The following SVOPL variants were observed in gnomAD, a reference collection of about 807,000 sequenced individuals.
The protein encoded by SVOPL is SVOP like.
SVOPL carries 60 observed loss-of-function variants against 61.0 expected under a neutral mutation model. That is an observed-to-expected ratio of 0.98 (90% CI 0.80 to 1.22). SVOPL has a LOEUF of 1.22. Ranked by LOEUF, SVOPL falls within the 50% of genes most tolerant of loss-of-function variation. The probability of loss-of-function intolerance (pLI) is 0.00; values close to 1 mark genes in which losing one functional copy is unlikely to be tolerated. For synonymous variants in SVOPL, 279 were observed against 250.0 expected, an observed-to-expected ratio of 1.12 and a Z score of -1.09; for missense variants, 662 against 643.9, an observed-to-expected ratio of 1.03 and a Z score of -0.30.
intron 1 of SVOPL, among the ~76,000 whole-genome samples, chr7:138,699,340 A>G (rs1334700286): frequency 6.6e-6 from 1 of 152,184 alleles, no homozygotes; most frequent in Non-Finnish European, 1.5e-5. Context: ...AAAATAAAGT[A>G]TCTAAAGAGT....
intron 4 of SVOPL, among the ~76,000 whole-genome samples, chr7:138,670,481 C>T (rs1250374348): frequency 6.6e-6 from 1 of 152,140 alleles, no homozygotes; most frequent in Non-Finnish European, 1.5e-5. Context: ...GATGACTCCA[C>T]CCAGACCCAT....
At chr7:138,664,200 C>G (rs147549645) in intron 4 of SVOPL, 325 of 981,336 alleles carry the variant, frequency 3.3e-4, no homozygotes, top group Middle Eastern at 1.6e-3. Context: ...CCCCCTCCCC[C>G]ACCTTCTACC....
chr7:138,673,493 C>T (rs1282132324), intron 3 of SVOPL, among the ~76,000 whole-genome samples: 1 of 151,890 alleles, frequency 6.6e-6, no homozygotes, highest in Non-Finnish European at 1.5e-5. Flanking sequence ...CCCATCGCTG[C>T]TAAAAATACA....
intron 5 of SVOPL, chr7:138,661,454 C>T: frequency 1.0e-6 from 1 of 982,984 alleles, no homozygotes. Context: ...TTATCAGGTC[C>T]AGAGACACAG....
intron 14 of SVOPL, among the ~76,000 whole-genome samples, chr7:138,618,652 CAGAG>C (rs376141906): frequency 6.0e-5 from 9 of 149,292 alleles, no homozygotes; most frequent in South Asian, 4.2e-4. Context: ...CAGAGCGAGA[CAGAG>C]AGAGAGAGAG....
At position 138,594,489 on chromosome 7, in the gene SVOPL, A is replaced by G. The variant is rs1798200078; in HGVS notation, c.*121T>C. The G allele has an allele frequency of 9.6e-6, 8 of 831,642 alleles. No homozygotes were observed. In the South Asian group the frequency reaches 1.9e-4, roughly 19 times the overall value. 51.5% of individuals were successfully genotyped at this position (831,642 alleles called of 1,614,324 possible). A position where few individuals can be genotyped will look rare whatever the true frequency, so the allele number is the denominator to read the frequency against. ...CATTCCCATATATGCCTTTAAAAAA[A>G]AAATCACTTTACTAATTACCGAGTA... On this transcript the variant is annotated 3_prime_UTR_variant, in exon 16 of 16. Transcript: ENST00000674285.
intron 1 of SVOPL, among the ~76,000 whole-genome samples, chr7:138,680,729 C>T (rs897801184): frequency 6.6e-6 from 1 of 152,128 alleles, no homozygotes; most frequent in African/African-American, 2.4e-5. Context: ...CAGGCGCCCG[C>T]CACCACGCCC....
intron 3 of SVOPL, among the ~76,000 whole-genome samples, chr7:138,672,656 T>TTAAAAAAAAAAAAAAAAAA (rs35924408): frequency 8.4e-6 from 1 of 118,858 alleles, no homozygotes; most frequent in African/African-American, 3.3e-5. Flanking sequence ...TTTTTGTGTT[T>TTAAAAAAAAAAAAAAAAAA]AAAAAAAAAA....
chr7:138,659,821 G>T (rs761176772), intron 6 of SVOPL, 43 bp downstream of exon 6: 1 of 1,535,972 alleles, frequency 6.5e-7, no homozygotes, highest in Non-Finnish European at 8.8e-7. Flanking sequence ...GGCCTGCAGG[G>T]GTACACGTTT....
intron 8 of SVOPL, 47 bp from the exon 9 acceptor site, chr7:138,644,892 C>G (rs1164814148): frequency 6.2e-7 from 1 of 1,612,136 alleles, no homozygotes; most frequent in East Asian, 2.2e-5. Context: ...TGCTATAGAA[C>G]CCAGGGGTAC....
At chr7:138,698,916 C>G (rs1335325358) in intron 1 of SVOPL, among the ~76,000 whole-genome samples, 1 of 152,076 alleles carries the variant, frequency 6.6e-6, no homozygotes, top group African/African-American at 2.4e-5. Flanking sequence ...TTTGGGAGGC[C>G]CAGGAGGGTG....
intron 9 of SVOPL, among the ~76,000 whole-genome samples, chr7:138,631,076 A>G (rs966992112): frequency 2.8e-4 from 43 of 152,118 alleles, no homozygotes; most frequent in African/African-American, 2.4e-5. Flanking sequence ...TCTCAGAAAT[A>G]GACCTGGGAT....
At chr7:138,600,817 G>A (rs991045116) in intron 14 of SVOPL, among the ~76,000 whole-genome samples, 3 of 152,004 alleles carry the variant, frequency 2.0e-5, no homozygotes, top group African/African-American at 4.8e-5. Flanking sequence ...TCACAAACAC[G>A]AGATAAGCTT....
chr7:138,689,288 A>C, intron 1 of SVOPL: 1 of 1,590,150 alleles, frequency 6.3e-7, no homozygotes, highest in Non-Finnish European at 8.5e-7. Context: ...GCAATGCAGA[A>C]CTTAAGGGTT....
At chr7:138,685,737 TG>T (rs1292477583) in intron 1 of SVOPL, among the ~76,000 whole-genome samples, 3 of 151,776 alleles carry the variant, frequency 2.0e-5, no homozygotes, top group Non-Finnish European at 2.9e-5. Flanking sequence ...GCGGGTGCAG[TG>T]GTGGGCACCT....
At chr7:138,686,887 G>A (rs150458260) in intron 1 of SVOPL, among the ~76,000 whole-genome samples, 1 of 152,032 alleles carries the variant, frequency 6.6e-6, no homozygotes, top group East Asian at 1.9e-4. Context: ...AGCTGGGGAC[G>A]CAAAAGATAA....
At chr7:138,625,930 TAC>T in intron 13 of SVOPL, 37 bp downstream of exon 13, 1 of 1,609,312 alleles carries the variant, frequency 6.2e-7, no homozygotes, top group Non-Finnish European at 8.5e-7. Flanking sequence ...TAGCTCACCT[TAC>T]ACACCCTTTG....
intron 3 of SVOPL, among the ~76,000 whole-genome samples, chr7:138,672,934 C>T (rs1451559542): frequency 6.8e-6 from 1 of 146,088 alleles, no homozygotes; most frequent in Non-Finnish European, 1.5e-5. Flanking sequence ...GAAGGAGATG[C>T]TAGAAAAGAA....
Position 138,679,064 on chromosome 7 carries a change from T to TC in SVOPL, c.-20dup, listed in dbSNP as rs200944313. On this transcript the variant is annotated 5_prime_UTR_variant, in exon 2 of 16. Transcript: ENST00000674285. ...TTGCCATCTTCTAAATAGCTCAAGT[T>TC]CCCCAAACAGCTTCCCTGGTGGAAG... The TC allele has an allele frequency of 1.5e-3, 2,348 of 1,548,782 alleles. 35 individuals are homozygous for TC. The African/African-American group carries it at 0.029, about 19-fold the overall frequency.
Sources: allele counts gnomAD v4.1 joint callset (sites outside exome capture counted in the v4.1 genomes callset), GRCh38; gene constraint gnomAD v4.1.1; transcripts MANE v1.5; gene names NCBI Gene and HGNC (gene_info 2026-07-23, HGNC 2026-07-21).